WHAMM: variants seen among roughly 807,000 people sequenced by gnomAD.
WHAMM encodes WASP homolog associated with actin, golgi membranes and microtubules.
WHAMM carries 67 observed loss-of-function variants against 76.5 expected under a neutral mutation model. That is an observed-to-expected ratio of 0.88 (90% CI 0.72 to 1.07). The LOEUF is 1.07. Ranked by LOEUF, WHAMM falls within the 50% of genes least tolerant of loss-of-function variation. The pLI is 0.00. For missense variants in WHAMM, 1,021 were observed against 1,051.1 expected, an observed-to-expected ratio of 0.97 and a Z score of 0.40; for synonymous variants, 419 against 422.1, an observed-to-expected ratio of 0.99 and a Z score of 0.09.
At chr15:82,810,490 G>T (rs2050610039) in intron 1 of WHAMM, 155 bp downstream of exon 1, 1 of 985,332 alleles carries the variant, frequency 1.0e-6, no homozygotes, top group African/African-American at 1.7e-5. Context: ...TCACCTGCGC[G>T]GGACCGCTGC....
At chr15:82,822,646 C>T (rs2050848835) in intron 5 of WHAMM, among the ~76,000 whole-genome samples, 1 of 152,180 alleles carries the variant, frequency 6.6e-6, no homozygotes. Context: ...CCGTGTTGGC[C>T]AGGCTGGTCT....
intron 2 of WHAMM, among the ~76,000 whole-genome samples, chr15:82,813,749 C>T (rs546616317): frequency 2.1e-5 from 3 of 145,696 alleles, no homozygotes; most frequent in East Asian, 2.1e-4. Flanking sequence ...CAACCTCCTC[C>T]AGGTTCAAGC....
At chr15:82,822,525 C>T (rs750812274) in intron 5 of WHAMM, among the ~76,000 whole-genome samples, 28 of 152,200 alleles carry the variant, frequency 1.8e-4, no homozygotes, top group Non-Finnish European at 3.4e-4. Context: ...GCAACCTCTG[C>T]CTCCCAGGTT....
intron 2 of WHAMM, among the ~76,000 whole-genome samples, 184 bp downstream of exon 2, chr15:82,813,460 T>C (rs1056869000): frequency 1.6e-4 from 25 of 152,116 alleles, no homozygotes; most frequent in Non-Finnish European, 2.6e-4. Context: ...TTCGAACTCC[T>C]GAGCTCAAGC....
intron 8 of WHAMM, among the ~76,000 whole-genome samples, chr15:82,829,088 G>A (rs2050984815): frequency 6.6e-6 from 1 of 152,218 alleles, no homozygotes; most frequent in Admixed American, 6.5e-5. Context: ...GATATCTATT[G>A]CGATCAAGAA....
Position 82,833,459 on chromosome 15 carries a change from C to T in WHAMM, c.2353C>T (p.Leu785Phe), listed in dbSNP as rs768787863. The T allele has an allele frequency of 6.2e-7, 1 of 1,613,988 alleles. No homozygotes were observed. Among genetic ancestry groups the T allele is most frequent in the Non-Finnish European group, 8.5e-7 (1 of 1,179,896 alleles). ...CCTTGAGAGGAGCATCAAGGCTGCGCTCCAGAGAATCAAGAGGGTGTCTGC... is the reference window on the plus strand; with the variant it reads ...CCTTGAGAGGAGCATCAAGGCTGCGTTCCAGAGAATCAAGAGGGTGTCTGC... ...SDLERSIKAA[L>F]QRIKRVSADS... The change falls in exon 10 of 10, where the codon CTC (leucine) becomes TTC (phenylalanine). Residue 785 changes from leucine to phenylalanine, a missense_variant. Coordinates refer to ENST00000286760, the MANE Select transcript of WHAMM (RefSeq NM_001080435.3).
chr15:82,830,804 TC>T lies in WHAMM; in HGVS notation c.1850del (p.Pro617LeufsTer58), dbSNP rs1224806877. On this transcript the variant is annotated frameshift_variant, in exon 9 of 10. Coordinates refer to ENST00000286760, the MANE Select transcript of WHAMM (RefSeq NM_001080435.3). LOFTEE classifies it high-confidence loss of function. ...AAGTGTCAAAACTGTCATGGAAATATCCCTGTCCAGGTTTTTGTTCCAGTTG... is the reference window on the plus strand; with the variant it reads ...AAGTGTCAAAACTGTCATGGAAATATCCTGTCCAGGTTTTTGTTCCAGTTG... ...SPKCQNCHGNIPVQVFVPVGD... is the reference protein window; with the variant it reads ...SPKCQNCHGNXPVQVFVPVGD... The T allele has an allele frequency of 1.2e-6, 2 of 1,612,058 alleles. No homozygotes were observed. Among genetic ancestry groups the T allele is most frequent in the Admixed American group, 1.7e-5 (1 of 59,594 alleles).
chr15:82,816,620 T>A, intron 2 of WHAMM, 72 bp from the exon 3 acceptor site: 2 of 1,421,420 alleles, frequency 1.4e-6, no homozygotes, highest in Non-Finnish European at 9.4e-7. Context: ...TGTGACCAAT[T>A]TCCTTTCAAT....
chr15:82,818,166 C>T, intron 4 of WHAMM, 77 bp downstream of exon 4: 1 of 1,451,866 alleles, frequency 6.9e-7, no homozygotes, highest in South Asian at 1.4e-5. Context: ...ATAAAGGATA[C>T]AAGTGCAGTT....
At chr15:82,816,580 A>G (rs1396464294) in intron 2 of WHAMM, 112 bp from the exon 3 acceptor site, 22 of 992,050 alleles carry the variant, frequency 2.2e-5, no homozygotes, top group Non-Finnish European at 3.0e-5. Context: ...AATTTAATTG[A>G]CTGAGTAGTA....
chr15:82,825,479 G>A (rs1382370982), intron 6 of WHAMM, among the ~76,000 whole-genome samples: 1 of 152,114 alleles, frequency 6.6e-6, no homozygotes, highest in Non-Finnish European at 1.5e-5. Context: ...CACTGATTCT[G>A]GAAATGTTGG....
In WHAMM at chr15:82,809,893, GCGAGGGGGCCCGGTTGGGGCCCGAGC is replaced by G; in HGVS notation, c.169_194del (p.Glu57ArgfsTer5). The stretch of plus-strand genomic sequence containing the variant: ...CGTACCGCGCAGCAGCGGCGGCTGC[GCGAGGGGGCCCGGTTGGGGCCCGAGC>G]CCGAGCCCAAGCCTGAGGCCGCCGT... On this transcript the variant is annotated frameshift_variant, in exon 1 of 10. Coordinates refer to ENST00000286760, the MANE Select transcript of WHAMM (RefSeq NM_001080435.3). LOFTEE classifies it high-confidence loss of function. 6.4e-7 allele frequency: 1 copy of G among 1,551,788 alleles called. No individual in the cohort carries two copies. The highest frequency in any genetic ancestry group is 8.7e-7 in the Non-Finnish European group (1 of 1,147,000).
Position 82,822,845 on chromosome 15 carries a change from T to C in WHAMM, c.1271-255T>C, listed in dbSNP as rs912298020. Among the ~76,000 whole-genome samples, 23 of 151,484 alleles carry C rather than the reference T, an allele frequency of 1.5e-4. 1 individual carries two copies. The highest frequency in any genetic ancestry group is 8.7e-4 in the South Asian group (4 of 4,588). On this transcript the variant is annotated intron_variant, in intron 5 of 9. Transcript: ENST00000286760. ...GTGTGTATATATATATATACACACA[T>C]ATGTCTATATACATGTATGTATACA...
intron 1 of WHAMM, chr15:82,810,846 C>CT: frequency 1.3e-6 from 1 of 796,458 alleles, no homozygotes; most frequent in Non-Finnish European, 1.5e-6. Context: ...AGAAGGTGAA[C>CT]TTTATTCATC....
At chr15:82,823,888 T>C (rs2050882159) in intron 6 of WHAMM, among the ~76,000 whole-genome samples, 1 of 152,076 alleles carries the variant, frequency 6.6e-6, no homozygotes, top group Non-Finnish European at 1.5e-5. Flanking sequence ...AAAACCACAA[T>C]AGGTAGAAAC....
At chr15:82,813,048 G>T in intron 1 of WHAMM, 55 bp from the exon 2 acceptor site, 1 of 1,301,094 alleles carries the variant, frequency 7.7e-7, no homozygotes, top group Non-Finnish European at 1.0e-6. Flanking sequence ...TTGTTTGTTG[G>T]GTATGTATTA....
intron 5 of WHAMM, among the ~76,000 whole-genome samples, chr15:82,820,343 C>A (rs895740337): frequency 1.3e-5 from 2 of 151,990 alleles, no homozygotes; most frequent in African/African-American, 4.8e-5. Flanking sequence ...TATGGATATA[C>A]CATGATTTCC....
chr15:82,830,216 G>A (rs374088688), intron 8 of WHAMM, among the ~76,000 whole-genome samples: 110 of 147,596 alleles, frequency 7.5e-4, no homozygotes, highest in African/African-American at 2.6e-3. Context: ...TTTTGGAGAC[G>A]GAGTCTTGCT....
chr15:82,820,500 C>A (rs2050801447), intron 5 of WHAMM, among the ~76,000 whole-genome samples: 1 of 152,136 alleles, frequency 6.6e-6, no homozygotes, highest in African/African-American at 2.4e-5. Context: ...CATAACAGTA[C>A]AATAATCATC....
Sources: gnomAD v4.1 joint callset for allele counts (sites outside exome capture counted in the v4.1 genomes callset) on GRCh38, gnomAD v4.1.1 for gene constraint, MANE v1.5 for transcripts, NCBI Gene and HGNC (gene_info 2026-07-23, HGNC 2026-07-21) for gene names.